The following CNTNAP2 variants were observed in gnomAD, a reference collection of about 807,000 sequenced individuals.
CNTNAP2 encodes the protein contactin-associated protein-like 2.
A neutral mutation model predicts 155.2 loss-of-function variants in CNTNAP2; 98 were observed. The observed-to-expected ratio is 0.63, with a 90% CI of 0.54 to 0.75. The LOEUF (loss-of-function observed/expected upper bound fraction) is 0.75, where lower values mean the gene tolerates loss of function less well. CNTNAP2 is among the 30% of genes least tolerant of loss of function. CNTNAP2 has a pLI of 0.00. For synonymous variants in CNTNAP2, 651 were observed against 631.2 expected, an observed-to-expected ratio of 1.03 and a Z score of -0.47; for missense variants, 1,727 against 1,688.1, an observed-to-expected ratio of 1.02 and a Z score of -0.40.
At chr7:147,647,836 G>A (rs1274180784) in intron 13 of CNTNAP2, among the ~76,000 whole-genome samples, 1 of 152,180 alleles carries the variant, frequency 6.6e-6, no homozygotes, top group African/African-American at 2.4e-5. Flanking sequence ...GGAAGCTAAG[G>A]GAGATGGGTA....
At chr7:146,537,012 T>C (rs1159664790) in intron 1 of CNTNAP2, among the ~76,000 whole-genome samples, 1 of 152,144 alleles carries the variant, frequency 6.6e-6, no homozygotes, top group Non-Finnish European at 1.5e-5. Flanking sequence ...ACATTTATAT[T>C]TGAACGGTTA....
chr7:146,167,065 A>G (rs576247027), intron 1 of CNTNAP2, among the ~76,000 whole-genome samples: 2 of 151,514 alleles, frequency 1.3e-5, no homozygotes, highest in African/African-American at 4.8e-5. Context: ...ATTGATAGTG[A>G]CAACTGGGCG....
At chr7:146,442,683 C>G (rs189847685) in intron 1 of CNTNAP2, among the ~76,000 whole-genome samples, 1 of 152,244 alleles carries the variant, frequency 6.6e-6, no homozygotes, top group South Asian at 2.1e-4. Flanking sequence ...TGAGTCCCCT[C>G]CTGCTCACTT....
rs184719088 is a variant in CNTNAP2, at chr7:147,223,272, C to T, written c.1349-76869C>T. 7.2e-4 allele frequency among the ~76,000 whole-genome samples: 109 copies of T among 152,298 alleles called. 1 individual carries two copies. The highest frequency in any genetic ancestry group is 2.5e-3 in the African/African-American group (104 of 41,572). ...AAAGGGAGGACTCTAAACATTTCCA[C>T]CCACTGCACTTTGGGTGCACAAATC... On this transcript the variant is annotated intron_variant, in intron 8 of 23. Coordinates refer to ENST00000361727, the MANE Select transcript of CNTNAP2 (RefSeq NM_014141.6).
chr7:147,621,628 A>G (rs1015570498), intron 12 of CNTNAP2, among the ~76,000 whole-genome samples: 15 of 152,046 alleles, frequency 9.9e-5, no homozygotes, highest in African/African-American at 2.7e-4. Flanking sequence ...ACAAACCAAA[A>G]TCAAACAATG....
At chr7:146,885,703 G>A (rs922933103) in intron 3 of CNTNAP2, among the ~76,000 whole-genome samples, 5 of 152,042 alleles carry the variant, frequency 3.3e-5, no homozygotes, top group African/African-American at 1.2e-4. Context: ...ATTGAAACGA[G>A]CCAATAAGAA....
intron 3 of CNTNAP2, among the ~76,000 whole-genome samples, chr7:146,950,286 T>A (rs1584743289): frequency 6.6e-6 from 1 of 152,102 alleles, no homozygotes; most frequent in East Asian, 1.9e-4. Flanking sequence ...TTGCCATTCT[T>A]TATGCAGACA....
rs544628828 is a variant in CNTNAP2, at chr7:146,699,168, A to T, written c.98-75103A>T. Among the ~76,000 whole-genome samples the T allele has an allele frequency of 2.3e-3, 353 of 152,258 alleles. 2 individuals carry two copies. The highest frequency in any genetic ancestry group is 8.3e-3 in the African/African-American group (343 of 41,562). On this transcript the variant is annotated intron_variant, in intron 1 of 23. Transcript: ENST00000361727. Reference sequence around the variant, plus strand: ...CTTTAATCTGTGTTCTCTGACTTTAACTTGCCTTGTAAAATATGATGCATG... The same window carrying T: ...CTTTAATCTGTGTTCTCTGACTTTATCTTGCCTTGTAAAATATGATGCATG...
At chr7:146,274,695 A>G (rs1800136685) in intron 1 of CNTNAP2, among the ~76,000 whole-genome samples, 1 of 152,132 alleles carries the variant, frequency 6.6e-6, no homozygotes, top group African/African-American at 2.4e-5. Context: ...ATGAAGAAGG[A>G]TTCAATGAGG....
chr7:146,242,546 A>T (rs1799580152), intron 1 of CNTNAP2, among the ~76,000 whole-genome samples: 1 of 151,912 alleles, frequency 6.6e-6, no homozygotes, highest in Admixed American at 6.6e-5. Flanking sequence ...TCAAAAAAAA[A>T]AAAGGAGAGA....
chr7:148,067,691 A>G (rs1803294629), intron 15 of CNTNAP2, among the ~76,000 whole-genome samples: 1 of 152,186 alleles, frequency 6.6e-6, no homozygotes. Flanking sequence ...TTCTCAGGTG[A>G]TGGGTTGGAC....
At chr7:147,393,912 T>C (rs1448681297) in intron 9 of CNTNAP2, among the ~76,000 whole-genome samples, 1 of 152,100 alleles carries the variant, frequency 6.6e-6, no homozygotes, top group Non-Finnish European at 1.5e-5. Context: ...CTTTAAATAT[T>C]GTAATCCATT....
chr7:147,364,232 G>A (rs28646130), intron 9 of CNTNAP2, among the ~76,000 whole-genome samples: 11 of 152,138 alleles, frequency 7.2e-5, no homozygotes, highest in African/African-American at 2.4e-4. Flanking sequence ...AAAATACTTG[G>A]TAATAAGTAT....
intron 13 of CNTNAP2, among the ~76,000 whole-genome samples, chr7:147,650,663 C>A (rs1362259370): frequency 6.6e-6 from 1 of 151,952 alleles, no homozygotes; most frequent in Non-Finnish European, 1.5e-5. Context: ...TGTTAATTGG[C>A]TGTTTATGTT....
At chr7:146,442,092 T>C (rs1026845358) in intron 1 of CNTNAP2, among the ~76,000 whole-genome samples, 1 of 151,646 alleles carries the variant, frequency 6.6e-6, no homozygotes, top group African/African-American at 2.4e-5. Context: ...TATATTTCTG[T>C]GTGTGGCAAA....
intron 11 of CNTNAP2, among the ~76,000 whole-genome samples, chr7:147,545,847 G>A (rs1486952076): frequency 2.0e-5 from 3 of 152,184 alleles, no homozygotes; most frequent in African/African-American, 7.2e-5. Flanking sequence ...GAGGGACCCA[G>A]TGGGAAATAA....
At chr7:146,452,711 G>A (rs1796501468) in intron 1 of CNTNAP2, among the ~76,000 whole-genome samples, 1 of 152,078 alleles carries the variant, frequency 6.6e-6, no homozygotes, top group African/African-American at 2.4e-5. Context: ...CTTAACATTT[G>A]CCATTCTGTA....
rs1328753501 is a variant in CNTNAP2, at chr7:147,670,250, A to AC, written c.2098+30945dup. ...GGTCTAAGTCCTGCATTAATCCTGA[A>AC]CACATGGCAGCAGGGATAAAGGGAA... On this transcript the variant is annotated intron_variant, in intron 13 of 23. Coordinates refer to ENST00000361727, the MANE Select transcript of CNTNAP2 (RefSeq NM_014141.6). Among the ~76,000 whole-genome samples the AC allele has an allele frequency of 2.0e-5, 3 of 152,062 alleles. No homozygotes were observed. The South Asian group carries it at 6.2e-4, about 32-fold the overall frequency.
rs911720475 is a variant in CNTNAP2 at position 148,196,198 on chromosome 7, A to T, written c.3011-21090A>T. 2.0e-5 allele frequency among the ~76,000 whole-genome samples: 3 copies of T among 152,228 alleles called. No homozygotes were observed. The East Asian group carries it at 5.8e-4, about 29-fold the overall frequency. On this transcript the variant is annotated intron_variant, in intron 18 of 23. Transcript: ENST00000361727. ...TCAGGATCAATTGATTACTGATCCC[A>T]AGGAACAATCAAAAAAGAAATTCCC... is the stretch of plus-strand genomic sequence containing the variant.
Sources: gnomAD v4.1 joint callset for allele counts (sites outside exome capture counted in the v4.1 genomes callset) on GRCh38, gnomAD v4.1.1 for gene constraint, MANE v1.5 for transcripts, NCBI Gene and HGNC (gene_info 2026-07-23, HGNC 2026-07-21) for gene names.